The following WAC variants were observed in gnomAD, a reference collection of about 807,000 sequenced individuals.
The protein encoded by WAC is WW domain containing adaptor with coiled-coil.
WAC carries 11 observed loss-of-function variants against 79.6 expected under a neutral mutation model. The observed-to-expected ratio is 0.14, with a 90% CI of 0.09 to 0.23. The LOEUF is 0.23. Among genes scored for constraint, WAC ranks in the 10% least tolerant of loss-of-function variants. The probability of loss-of-function intolerance (pLI) is 1.00; values close to 1 mark genes in which losing one functional copy is unlikely to be tolerated. For missense variants in WAC, 728 were observed against 773.5 expected (o/e 0.94, Z 0.70); for synonymous variants, 304 against 276.9 (o/e 1.10, Z -0.97).
chr10:28,607,866 A>G (rs1365144174), intron 7 of WAC, among the ~76,000 whole-genome samples: 1 of 152,222 alleles, frequency 6.6e-6, no homozygotes, highest in Non-Finnish European at 1.5e-5. Context: ...TTAATAAATA[A>G]TTATCTTTGA....
In WAC at chr10:28,589,668, ATGT is replaced by A. The variant is rs1589210460; in HGVS notation, c.382-62_382-60del. On this transcript the variant is annotated intron_variant, in intron 4 of 13. Transcript: ENST00000354911. ...AGTGTTTTCCTGTATGTGTGCTTTG[ATGT>A]TGTTGATATTTCATGTGATTAAATA... 12 of 1,015,964 alleles carry A rather than the reference ATGT, an allele frequency of 1.2e-5. No homozygotes were observed. The South Asian group carries it at 1.2e-4, about 10-fold the overall frequency. The allele number at this position is 1,015,964 out of a possible 1,614,324, so 62.9% of individuals were successfully genotyped here.
intron 3 of WAC, among the ~76,000 whole-genome samples, chr10:28,542,652 T>A (rs1837121246): frequency 1.3e-5 from 2 of 152,216 alleles, no homozygotes; most frequent in East Asian, 3.8e-4. Context: ...AGACAAAAAC[T>A]TGTAACATCA....
Position 28,534,015 on chromosome 10 carries a change from G to T in WAC, c.59G>T (p.Gly20Val). ...RLSDGCHDRR[G>V]DSQPYQALKY... ...TTTTTCAGCTGTCACGACCGGAGGG[G>T]GGACTCGCAGCCTTACCAGGTACCA... is the stretch of plus-strand genomic sequence containing the variant. Residue 20 changes from glycine (G) to valine (V), a missense_variant, in exon 2 of 14, where the codon GGG becomes GTG. Physicochemically the swap from Gly to Val is moderately radical, Grantham distance 109. Transcript: ENST00000354911. 6.2e-7 allele frequency: 1 copy of T among 1,601,570 alleles called. No individual in the cohort carries two copies. Among genetic ancestry groups the T allele is most frequent in the Non-Finnish European group, 8.5e-7 (1 of 1,174,270 alleles).
At chr10:28,613,524 A>C (rs1841344710) in intron 10 of WAC, among the ~76,000 whole-genome samples, 1 of 152,198 alleles carries the variant, frequency 6.6e-6, no homozygotes, top group South Asian at 2.1e-4. Context: ...AAAATCCTTT[A>C]AGCAGGTAGC....
intron 3 of WAC, among the ~76,000 whole-genome samples, chr10:28,578,012 A>G (rs1366401864): frequency 1.3e-5 from 2 of 152,168 alleles, no homozygotes; most frequent in Non-Finnish European, 2.9e-5. Context: ...TACAAAAATT[A>G]GTGGGACATG....
In WAC at chr10:28,608,219, C is replaced by G. The variant is rs1366524265; in HGVS notation, c.953C>G (p.Ser318Cys). Residue 318 changes from serine (S) to cysteine (C), a missense_variant, in exon 8 of 14, where the codon TCT becomes TGT. Transcript: ENST00000354911. ...STSGDKPVSH[S>C]CTTPSTSSAS... ...TCAGGAGACAAACCCGTATCACATT[C>G]TTGCACAACTCCTTCCACGTCTTCT... The G allele has an allele frequency of 1.9e-6, 3 of 1,614,194 alleles. No homozygotes were observed. The highest frequency in any genetic ancestry group is 1.7e-5 in the Admixed American group (1 of 60,034).
rs972862757 is a variant in WAC, at chr10:28,533,546, C to T, written c.-34C>T. ...GCCCGCCTTTCGCGGCCGCTCTCCC[C>T]CCTCCCCGACACACACTCACAGGCC... On this transcript the variant is annotated 5_prime_UTR_variant, in exon 1 of 14. Coordinates refer to ENST00000354911, the MANE Select transcript of WAC (RefSeq NM_016628.5). 1.4e-6 allele frequency: 2 copies of T among 1,381,288 alleles called. No homozygotes were observed. The highest frequency in any genetic ancestry group is 9.6e-7 in the Non-Finnish European group (1 of 1,046,218). The allele number at this position is 1,381,288 out of a possible 1,614,324, so 85.6% of individuals were successfully genotyped here. A position where few individuals can be genotyped will look rare whatever the true frequency, so the allele number is the denominator to read the frequency against.
chr10:28,604,944 G>A (rs1383356248), intron 7 of WAC, among the ~76,000 whole-genome samples: 1 of 152,134 alleles, frequency 6.6e-6, no homozygotes, highest in African/African-American at 2.4e-5. Flanking sequence ...TCTCAGAATA[G>A]CATTTTATGT....
intron 3 of WAC, among the ~76,000 whole-genome samples, chr10:28,573,764 A>G (rs964027541): frequency 1.3e-5 from 2 of 152,172 alleles, no homozygotes; most frequent in South Asian, 4.1e-4. Flanking sequence ...TGTATAGTTC[A>G]CTGATTTTTA....
At chr10:28,552,129 T>C (rs1837713503) in intron 3 of WAC, among the ~76,000 whole-genome samples, 1 of 152,264 alleles carries the variant, frequency 6.6e-6, no homozygotes, top group Non-Finnish European at 1.5e-5. Flanking sequence ...GTATGTGTAT[T>C]GTAATAATGT....
At chr10:28,548,040 C>T (rs567413931) in intron 3 of WAC, among the ~76,000 whole-genome samples, 1 of 151,832 alleles carries the variant, frequency 6.6e-6, no homozygotes, top group South Asian at 2.1e-4. Flanking sequence ...CCTGCCTCAG[C>T]CTCCCGAGTA....
In WAC at chr10:28,550,926, A is replaced by G. The variant is rs537026767; in HGVS notation, c.274+15169A>G. On this transcript the variant is annotated intron_variant, in intron 3 of 13. Transcript: ENST00000354911. ...GTTGCATTAGTATAATCCTATAGAA[A>G]GCTGTATGTGATTTGAATACTGAAG... 6.6e-5 allele frequency among the ~76,000 whole-genome samples: 10 copies of G among 152,318 alleles called. 1 individual carries two copies. The South Asian group carries it at 2.1e-3, about 32-fold the overall frequency.
intron 4 of WAC, chr10:28,589,283 C>A (rs2132665878): frequency 6.6e-6 from 1 of 152,372 alleles, no homozygotes; most frequent in East Asian, 1.9e-4. Context: ...TTCCTTTTCT[C>A]ACTGAGTAAC....
intron 3 of WAC, among the ~76,000 whole-genome samples, chr10:28,541,413 G>GTTTTTTTT (rs1435952488): frequency 1.2e-4 from 6 of 50,754 alleles, no homozygotes; most frequent in Non-Finnish European, 2.5e-4. Context: ...GTGTGTGTGT[G>GTTTTTTTT]TGTTTTGTTT....
chr10:28,534,212 GT>G, intron 2 of WAC, 178 bp downstream of exon 2: 2 of 526,044 alleles, frequency 3.8e-6, no homozygotes, highest in Admixed American at 4.1e-5. Flanking sequence ...CTCCAGCAAG[GT>G]TTAGTGACTT....
intron 7 of WAC, 107 bp from the exon 8 acceptor site, chr10:28,608,079 T>G (rs2132806743): frequency 3.1e-3 from 3,650 of 1,190,136 alleles, no homozygotes; most frequent in Non-Finnish European, 4.0e-3. Flanking sequence ...AAGGGTTAAA[T>G]GAGATTACTT....
chr10:28,534,056 G>A, intron 2 of WAC, 22 bp downstream of exon 2: 1 of 1,572,982 alleles, frequency 6.4e-7, no homozygotes, highest in Non-Finnish European at 8.6e-7. Context: ...GGCCGGGGTG[G>A]AGGGATTGGA....
At position 28,577,787 on chromosome 10, in the gene WAC, A is replaced by C. The variant is rs562182151; in HGVS notation, c.275-5612A>C. On this transcript the variant is annotated intron_variant, in intron 3 of 13. Transcript: ENST00000354911. ...TTCGTTGAGTGTCCTCTACCATTTG[A>C]CTTCGTAAACCTTTGTTTCCCAATG... Among the ~76,000 whole-genome samples the C allele has an allele frequency of 1.1e-4, 17 of 152,212 alleles. No individual in the cohort carries two copies. In the South Asian group the frequency reaches 3.3e-3, roughly 30 times the overall value.
intron 1 of WAC, 32 bp downstream of exon 1, chr10:28,533,652 C>T (rs774271404): frequency 7.0e-7 from 1 of 1,431,160 alleles, no homozygotes; most frequent in Non-Finnish European, 9.6e-7. Context: ...GGCCGGGCGG[C>T]GGCGGGGGGC....
Sources: allele counts gnomAD v4.1 joint callset (sites outside exome capture counted in the v4.1 genomes callset), GRCh38; gene constraint gnomAD v4.1.1; transcripts MANE v1.5; gene names NCBI Gene and HGNC (gene_info 2026-07-23, HGNC 2026-07-21).